PEX3: variants seen among roughly 807,000 people sequenced by gnomAD.
PEX3 encodes the protein peroxisomal biogenesis factor 3.
In PEX3, 30 loss-of-function variants were observed where a neutral mutation model predicts 55.8. The ratio of observed to expected loss-of-function variants is 0.54; its 90% CI spans 0.40 to 0.73. The LOEUF is 0.73. PEX3 is among the 30% of genes least tolerant of loss of function. The pLI is 0.00. For missense variants in PEX3, 351 were observed against 432.8 expected, an observed-to-expected ratio of 0.81 and a Z score of 1.68; for synonymous variants, 135 against 148.4, an observed-to-expected ratio of 0.91 and a Z score of 0.66.
chr6:143,452,201 T>G (rs560086163), intron 1 of PEX3, among the ~76,000 whole-genome samples: 1 of 152,292 alleles, frequency 6.6e-6, no homozygotes, highest in Admixed American at 6.5e-5. Flanking sequence ...TGAAACAGAG[T>G]TCTTGTTGCT....
chr6:143,453,864 C>T lies in PEX3; in HGVS notation c.73+2749C>T, dbSNP rs1364722139. 6.6e-6 allele frequency among the ~76,000 whole-genome samples: 1 copy of T among 152,130 alleles called. No individual in the cohort carries two copies. The highest frequency in any genetic ancestry group is 2.4e-5 in the African/African-American group (1 of 41,432). On this transcript the variant is annotated intron_variant, in intron 1 of 11. Coordinates refer to ENST00000367591, the MANE Select transcript of PEX3 (RefSeq NM_003630.3). This position sits in a 1 kb window ranked among gnomAD's most constrained non-coding sequence, Gnocchi z 4.6. The stretch of plus-strand genomic sequence containing the variant: ...AAGTGCTGGAATTACAGGCATGAGC[C>T]ACTGAGCCTGGCATAATTTGACCAG...
rs1384076247 is a variant in PEX3 at position 143,462,556 on chromosome 6, T to C, written c.206-360T>C. Among the ~76,000 whole-genome samples the C allele has an allele frequency of 2.0e-5, 3 of 152,170 alleles. No individual in the cohort carries two copies. The highest frequency in any genetic ancestry group is 4.4e-5 in the Non-Finnish European group (3 of 68,036). ...GTCATTAAATCAGAAGTAAACACTT[T>C]TGTAAAAAATTTGGAGAGTATGGAA... On this transcript the variant is annotated intron_variant, in intron 2 of 11. Coordinates refer to ENST00000367591, the MANE Select transcript of PEX3 (RefSeq NM_003630.3). The surrounding 1 kb of genome is among the most constrained non-coding windows in gnomAD (Gnocchi z 4.1).
chr6:143,478,203 G>A (rs1021143238), intron 9 of PEX3, among the ~76,000 whole-genome samples: 2 of 152,108 alleles, frequency 1.3e-5, no homozygotes, highest in African/African-American at 4.8e-5. Flanking sequence ...TCTATGAAAT[G>A]TCCAGAAAAC....
At chr6:143,467,772 C>A (rs1186617600) in intron 3 of PEX3, among the ~76,000 whole-genome samples, 1 of 151,986 alleles carries the variant, frequency 6.6e-6, no homozygotes, top group African/African-American at 2.4e-5. Flanking sequence ...ACAAAAAAAA[C>A]TTCATATTTA....
Position 143,487,839 on chromosome 6 carries a change from A to G in PEX3, c.1039-1304A>G, listed in dbSNP as rs1440152435. Among the ~76,000 whole-genome samples, 2 of 152,030 alleles carry G rather than the reference A, an allele frequency of 1.3e-5. No individual in the cohort carries two copies. Among genetic ancestry groups the G allele is most frequent in the Admixed American group, 6.6e-5 (1 of 15,252 alleles). On this transcript the variant is annotated intron_variant, in intron 11 of 11. Transcript: ENST00000367591. The surrounding 1 kb of genome is among the most constrained non-coding windows in gnomAD (Gnocchi z 5.3). ...CTGCCTCTGTTCTTCTCTCATTAGC[A>G]CAAGACAGTTAAAGTAATGTTACTT...
rs1318952340 is a variant in PEX3 at position 143,466,063 on chromosome 6, T to C, written c.288-2059T>C. ...GAAAAAAAATGGATCCTTCCACTAG[T>C]GGTTTGAAAAGCACTAAACTACCTC... is the stretch of plus-strand genomic sequence containing the variant. On this transcript the variant is annotated intron_variant, in intron 3 of 11. Transcript: ENST00000367591. The surrounding 1 kb of genome is among the most constrained non-coding windows in gnomAD (Gnocchi z 5.4). 6.6e-6 allele frequency among the ~76,000 whole-genome samples: 1 copy of C among 152,022 alleles called. No homozygotes were observed. Among genetic ancestry groups the C allele is most frequent in the Non-Finnish European group, 1.5e-5 (1 of 67,920 alleles).
rs1312411776 is a variant in PEX3 at position 143,453,731 on chromosome 6, C to A, written c.73+2616C>A. Among the ~76,000 whole-genome samples the A allele has an allele frequency of 6.6e-6, 1 of 152,172 alleles. No homozygotes were observed. The highest frequency in any genetic ancestry group is 2.4e-5 in the African/African-American group (1 of 41,442). ...AGCTAGGACCACAGGTGTGCACCATCATGCTTGGCTAATTTTTAATTATTT... is the reference window on the plus strand; with the variant it reads ...AGCTAGGACCACAGGTGTGCACCATAATGCTTGGCTAATTTTTAATTATTT... On this transcript the variant is annotated intron_variant, in intron 1 of 11. Coordinates refer to ENST00000367591, the MANE Select transcript of PEX3 (RefSeq NM_003630.3). The surrounding 1 kb of genome is among the most constrained non-coding windows in gnomAD (Gnocchi z 4.6).
Position 143,458,932 on chromosome 6 carries a change from T to C in PEX3, c.74-153T>C, listed in dbSNP as rs1263597573. The stretch of plus-strand genomic sequence containing the variant: ...GTAAAAATGCTAATTTCCTTTTCTT[T>C]GGGCCAATCTTACAAAATTCTTTAT... On this transcript the variant is annotated intron_variant, in intron 1 of 11. Coordinates refer to ENST00000367591, the MANE Select transcript of PEX3 (RefSeq NM_003630.3). The surrounding 1 kb of genome is among the most constrained non-coding windows in gnomAD (Gnocchi z 6.1). 6.6e-6 allele frequency among the ~76,000 whole-genome samples: 1 copy of C among 152,236 alleles called. No individual in the cohort carries two copies.
At chr6:143,460,057 A>G (rs151017853) in intron 2 of PEX3, among the ~76,000 whole-genome samples, 12 of 152,336 alleles carry the variant, frequency 7.9e-5, no homozygotes, top group Admixed American at 1.3e-4. Flanking sequence ...TTTCTTTTCT[A>G]TTGTTTAAAG....
rs891266935 is a variant in PEX3 at position 143,485,058 on chromosome 6, A to G, written c.942-94A>G. 5.2e-6 allele frequency: 4 copies of G among 775,368 alleles called. No individual in the cohort carries two copies. In the African/African-American group the frequency reaches 6.9e-5, roughly 13 times the overall value. 48.0% of individuals were successfully genotyped at this position (775,368 alleles called of 1,614,324 possible). Reference sequence around the variant, plus strand: ...TCCTTTTTAATAGATTTCCAAAAATATTCTACAATGGCTATGTATTACTTT... The same window carrying G: ...TCCTTTTTAATAGATTTCCAAAAATGTTCTACAATGGCTATGTATTACTTT... On this transcript the variant is annotated intron_variant, in intron 10 of 11. Coordinates refer to ENST00000367591, the MANE Select transcript of PEX3 (RefSeq NM_003630.3). This position sits in a 1 kb window ranked among gnomAD's most constrained non-coding sequence, Gnocchi z 5.6.
intron 3 of PEX3, among the ~76,000 whole-genome samples, chr6:143,467,726 AAT>A (rs1351225817): frequency 6.6e-6 from 1 of 152,204 alleles, no homozygotes; most frequent in Non-Finnish European, 1.5e-5. Flanking sequence ...ATACACATGA[AAT>A]ATATGTGTAA....
rs140007169 is a variant in PEX3, at chr6:143,489,617, G to A, written c.*391G>A. ...TCTGTTGGAGACATAGGTCTAGGATGTGTGAAGTTTGGAAAAATATGCTAT... is the reference window on the plus strand; with the variant it reads ...TCTGTTGGAGACATAGGTCTAGGATATGTGAAGTTTGGAAAAATATGCTAT... On this transcript the variant is annotated 3_prime_UTR_variant, in exon 12 of 12. Transcript: ENST00000367591. The surrounding 1 kb of genome is among the most constrained non-coding windows in gnomAD (Gnocchi z 5.5). 1.3e-3 allele frequency: 193 copies of A among 152,594 alleles called. 1 individual carries two copies. Among genetic ancestry groups the A allele is most frequent in the African/African-American group, 4.1e-3 (172 of 41,496 alleles). The allele number at this position is 152,594 out of a possible 1,614,324, so 9.5% of individuals were successfully genotyped here.
At chr6:143,461,969 G>T (rs1255797818) in intron 2 of PEX3, among the ~76,000 whole-genome samples, 1 of 152,062 alleles carries the variant, frequency 6.6e-6, no homozygotes, top group African/African-American at 2.4e-5. Flanking sequence ...GAATGTGGTG[G>T]TCTTCATATT....
intron 8 of PEX3, among the ~76,000 whole-genome samples, chr6:143,473,506 C>G (rs1357026071): frequency 1.3e-5 from 2 of 152,042 alleles, no homozygotes; most frequent in Non-Finnish European, 2.9e-5. Context: ...TCTTACTGAA[C>G]TGAATTAAAA....
At position 143,464,580 on chromosome 6, in the gene PEX3, A is replaced by AGGAGAATTTCTTAAATTCT. The variant is rs1199654810; in HGVS notation, c.287+1593_287+1611dup. ...TTTTTTTCTTAATCGGTACACAGGG[A>AGGAGAATTTCTTAAATTCT]GGAGAATTTCTTAAATTCTGGAGAA... On this transcript the variant is annotated intron_variant, in intron 3 of 11. Transcript: ENST00000367591. This position sits in a 1 kb window ranked among gnomAD's most constrained non-coding sequence, Gnocchi z 5.8. 5.3e-5 allele frequency among the ~76,000 whole-genome samples: 8 copies of AGGAGAATTTCTTAAATTCT among 152,042 alleles called. No homozygotes were observed. The highest frequency in any genetic ancestry group is 2.1e-4 in the South Asian group (1 of 4,820).
rs901346590 is a variant in PEX3 at position 143,486,649 on chromosome 6, T to C, written c.1038+1401T>C. ...ACCAAGTGGTCTTCTTAATAAATTG[T>C]CATATGCTTTACTATTTCCACTTAT... On this transcript the variant is annotated intron_variant, in intron 11 of 11. Coordinates refer to ENST00000367591, the MANE Select transcript of PEX3 (RefSeq NM_003630.3). This position sits in a 1 kb window ranked among gnomAD's most constrained non-coding sequence, Gnocchi z 5.0. 2.0e-5 allele frequency among the ~76,000 whole-genome samples: 3 copies of C among 152,092 alleles called. No individual in the cohort carries two copies. The highest frequency in any genetic ancestry group is 7.2e-5 in the African/African-American group (3 of 41,388).
At chr6:143,460,595 T>G (rs1049212973) in intron 2 of PEX3, among the ~76,000 whole-genome samples, 1 of 152,224 alleles carries the variant, frequency 6.6e-6, no homozygotes, top group African/African-American at 2.4e-5. Flanking sequence ...CCAGGCATGG[T>G]GGCTCACGCC....
At position 143,473,019 on chromosome 6, in the gene PEX3, A is replaced by G. The variant is rs138249677; in HGVS notation, c.747+691A>G. Reference sequence around the variant, plus strand: ...TTATGGCTCATTTCCTAAATTAGTAATTTTTCGTTTGTCTGCTGGTTTGCA... The same window carrying G: ...TTATGGCTCATTTCCTAAATTAGTAGTTTTTCGTTTGTCTGCTGGTTTGCA... On this transcript the variant is annotated intron_variant, in intron 8 of 11. Transcript: ENST00000367591. 2.6e-4 allele frequency among the ~76,000 whole-genome samples: 39 copies of G among 152,280 alleles called. No homozygotes were observed. In the East Asian group the frequency reaches 7.5e-3, roughly 29 times the overall value.
Position 143,451,685 on chromosome 6 carries a change from T to A in PEX3, c.73+570T>A, listed in dbSNP as rs1779767667. Among the ~76,000 whole-genome samples, 1 of 152,208 alleles carries A rather than the reference T, an allele frequency of 6.6e-6. No individual in the cohort carries two copies. The highest frequency in any genetic ancestry group is 1.5e-5 in the Non-Finnish European group (1 of 68,016). ...TTCTGCCATTTTAGAATACAAACTATGGCAGTAAGAAAAATGCTTGAGGGA... is the reference window on the plus strand; with the variant it reads ...TTCTGCCATTTTAGAATACAAACTAAGGCAGTAAGAAAAATGCTTGAGGGA... On this transcript the variant is annotated intron_variant, in intron 1 of 11. Transcript: ENST00000367591. The surrounding 1 kb of genome is among the most constrained non-coding windows in gnomAD (Gnocchi z 4.1).
Sources: allele counts gnomAD v4.1 joint callset (sites outside exome capture counted in the v4.1 genomes callset), GRCh38; gene constraint gnomAD v4.1.1; non-coding constraint Gnocchi (gnomAD v3.1); transcripts MANE v1.5; gene names NCBI Gene and HGNC (gene_info 2026-07-23, HGNC 2026-07-21).